Variants in FSHR observed in about 807,000 individuals in gnomAD.
FSHR encodes the protein follicle stimulating hormone receptor, also known as follicle-stimulating hormone receptor.
In FSHR, 46 loss-of-function variants were observed where a neutral mutation model predicts 52.1. That is an observed-to-expected ratio of 0.88 (90% CI 0.70 to 1.13). FSHR has a LOEUF of 1.13. Among genes scored for constraint, FSHR ranks in the 50% most tolerant of loss-of-function variants. The pLI is 0.00. For synonymous variants in FSHR, 399 were observed against 309.6 expected, an observed-to-expected ratio of 1.29 and a Z score of -3.03; for missense variants, 964 against 834.6, an observed-to-expected ratio of 1.16 and a Z score of -1.91.
intron 1 of FSHR, among the ~76,000 whole-genome samples, chr2:49,075,991 A>G (rs1558426724): frequency 1.3e-5 from 2 of 152,220 alleles, no homozygotes. Flanking sequence ...ACAGAAATAT[A>G]TGCTTACAAA....
intron 1 of FSHR, among the ~76,000 whole-genome samples, chr2:49,139,637 G>A (rs6744262): frequency 1.8e-4 from 26 of 145,650 alleles, no homozygotes; most frequent in Non-Finnish European, 3.6e-4. Flanking sequence ...TCACTCTGTC[G>A]CCCAGGCTGG....
rs559084261 is a variant in FSHR, at chr2:49,057,731, G to C, written c.224+10488C>G. On this transcript the variant is annotated intron_variant, in intron 2 of 9. Coordinates refer to ENST00000406846, the MANE Select transcript of FSHR (RefSeq NM_000145.4). The stretch of plus-strand genomic sequence containing the variant: ...AAGGACATAGCAAAAAAAAGAAAAC[G>C]TAGGCCAATATCCCTGATGAAGATA... Among the ~76,000 whole-genome samples, 39 of 152,180 alleles carry C rather than the reference G, an allele frequency of 2.6e-4. No individual in the cohort carries two copies. The South Asian group carries it at 6.4e-3, about 25-fold the overall frequency.
intron 2 of FSHR, among the ~76,000 whole-genome samples, chr2:49,050,450 T>G (rs570786411): frequency 1.2e-4 from 19 of 152,300 alleles, no homozygotes; most frequent in African/African-American, 4.3e-4. Flanking sequence ...TCCTCTCCTC[T>G]GATAATAAAT....
At position 49,020,069 on chromosome 2, in the gene FSHR, C is replaced by T. The variant is rs759126590; in HGVS notation, c.299+17G>A. On this transcript the variant is annotated intron_variant, in intron 3 of 9. Transcript: ENST00000406846. ...TCAAGAATGGCCATGAGCAAATCCC[C>T]CAATCTTCTTGCTTACATTTCATGT... 2 of 1,609,638 alleles carry T rather than the reference C, an allele frequency of 1.2e-6. No individual in the cohort carries two copies. The highest frequency in any genetic ancestry group is 1.1e-5 in the South Asian group (1 of 90,996).
At chr2:48,990,902 AC>A (rs558872182) in intron 4 of FSHR, among the ~76,000 whole-genome samples, 388 of 151,208 alleles carry the variant, frequency 2.6e-3, no homozygotes, top group African/African-American at 4.3e-3. Flanking sequence ...TAAAAAAAAA[AC>A]GATTGATAAG....
intron 1 of FSHR, 46 bp downstream of exon 1, chr2:49,154,220 C>G (rs199766468): frequency 1.0e-5 from 16 of 1,586,898 alleles, no homozygotes; most frequent in Admixed American, 1.7e-5. Context: ...GTACGCAATG[C>G]ACAAATGCCA....
chr2:49,029,589 A>C (rs1558399938), intron 2 of FSHR, among the ~76,000 whole-genome samples: 1 of 152,194 alleles, frequency 6.6e-6, no homozygotes, highest in Non-Finnish European at 1.5e-5. Context: ...CCCTCAGTAC[A>C]TTTTATACTC....
chr2:49,145,290 T>G (rs1247232458), intron 1 of FSHR, among the ~76,000 whole-genome samples: 1 of 152,130 alleles, frequency 6.6e-6, no homozygotes, highest in Non-Finnish European at 1.5e-5. Context: ...TAGTCAAACT[T>G]AAATATTTGG....
chr2:49,058,571 A>G (rs1032286843), intron 2 of FSHR, among the ~76,000 whole-genome samples: 1 of 152,134 alleles, frequency 6.6e-6, no homozygotes, highest in African/African-American at 2.4e-5. Flanking sequence ...CCTAAAAAAA[A>G]CCTTTAAGAA....
chr2:49,154,212 A>T, intron 1 of FSHR, 54 bp downstream of exon 1: 1 of 1,546,132 alleles, frequency 6.5e-7, no homozygotes, highest in Non-Finnish European at 8.9e-7. Context: ...TAATAATAGT[A>T]CGCAATGCAC....
chr2:48,964,088 C>G (rs957460012), intron 9 of FSHR, 122 bp from the exon 10 acceptor site: 1 of 882,438 alleles, frequency 1.1e-6, no homozygotes, highest in Non-Finnish European at 1.8e-6. Flanking sequence ...TTTCTTCTCA[C>G]ATCATACCTG....
At chr2:48,982,823 G>A (rs1386595687) in intron 8 of FSHR, 89 bp downstream of exon 8, 10 of 1,145,026 alleles carry the variant, frequency 8.7e-6, no homozygotes, top group Non-Finnish European at 1.3e-5. Flanking sequence ...CCAGCCCTGT[G>A]TTGGAAGCTT....
chr2:49,080,156 A>T (rs767823672), intron 1 of FSHR, among the ~76,000 whole-genome samples: 4 of 152,204 alleles, frequency 2.6e-5, no homozygotes, highest in Admixed American at 6.5e-5. Context: ...TGACACCTTT[A>T]TTCACCATTA....
chr2:48,988,616 C>T (rs1338289771), intron 6 of FSHR, among the ~76,000 whole-genome samples: 1 of 152,246 alleles, frequency 6.6e-6, no homozygotes, highest in Admixed American at 6.5e-5. Flanking sequence ...GCCATATCTT[C>T]CTGATTGGGC....
At chr2:49,017,798 C>T (rs1038455128) in intron 3 of FSHR, among the ~76,000 whole-genome samples, 2 of 152,108 alleles carry the variant, frequency 1.3e-5, no homozygotes, top group Admixed American at 6.6e-5. Context: ...CTGTTTCATT[C>T]TCATTACCTG....
intron 2 of FSHR, among the ~76,000 whole-genome samples, chr2:49,040,308 A>AC (rs35549654): frequency 0.65 from 99,506 of 151,956 alleles, 32,873 homozygotes; most frequent in East Asian, 0.78. Flanking sequence ...TGTACCTCAG[A>AC]CTGGGGAGTG....
In FSHR at chr2:49,001,265, C is replaced by T. The variant is rs546842922; in HGVS notation, c.375-10628G>A. 2.6e-5 allele frequency among the ~76,000 whole-genome samples: 4 copies of T among 151,902 alleles called. No homozygotes were observed. In the East Asian group the frequency reaches 7.7e-4, roughly 29 times the overall value. ...TATGAAGGAGGTACTATTATAAACT[C>T]TATTTTATAGATAAGAAAACTGAGG... On this transcript the variant is annotated intron_variant, in intron 4 of 9. Coordinates refer to ENST00000406846, the MANE Select transcript of FSHR (RefSeq NM_000145.4).
chr2:49,112,331 C>T (rs1671452373), intron 1 of FSHR, among the ~76,000 whole-genome samples: 1 of 152,066 alleles, frequency 6.6e-6, no homozygotes, highest in Non-Finnish European at 1.5e-5. Context: ...AGAATACACA[C>T]ACAATAGAAC....
Position 48,963,037 on chromosome 2 carries a change from G to A in FSHR, c.1784C>T (p.Ala595Val). Reference sequence around the variant, plus strand: ...AGTGATGAGGGGCACCTTGAGGGAGGCAGAAATGGCAAAGAAAGAAATGGG... The same window carrying A: ...AGTGATGAGGGGCACCTTGAGGGAGACAGAAATGGCAAAGAAAGAAATGGG... ...MAPISFFAISASLKVPLITVS... is the reference protein window; with the variant it reads ...MAPISFFAISVSLKVPLITVS... The change falls in exon 10 of 10, where the codon GCC becomes GTC. Residue 595 changes from alanine to valine, a missense_variant. Physicochemically the swap from Ala to Val is moderately conservative, Grantham distance 64 (BLOSUM62 0). Transcript: ENST00000406846. 1 of 1,614,012 alleles carries A rather than the reference G, an allele frequency of 6.2e-7. No individual in the cohort carries two copies. Among genetic ancestry groups the A allele is most frequent in the Non-Finnish European group, 8.5e-7 (1 of 1,179,958 alleles).
Sources: allele counts gnomAD v4.1 joint callset (sites outside exome capture counted in the v4.1 genomes callset), GRCh38; gene constraint gnomAD v4.1.1; transcripts MANE v1.5; gene names NCBI Gene and HGNC (gene_info 2026-07-23, HGNC 2026-07-21).